The following COMMD10 variants were observed in gnomAD, a reference collection of about 807,000 sequenced individuals.
COMMD10 encodes COMM domain-containing protein 10.
A neutral mutation model predicts 28.9 loss-of-function variants in COMMD10; 33 were observed. The ratio of observed to expected loss-of-function variants is 1.14; its 90% CI spans 0.87 to 1.53. The LOEUF (loss-of-function observed/expected upper bound fraction) is 1.53. COMMD10 is among the 40% of genes most tolerant of loss of function. The pLI, the probability that COMMD10 is intolerant of heterozygous loss-of-function variation, is 0.00. For missense variants in COMMD10, 310 were observed against 233.4 expected (o/e 1.33, Z -2.14); for synonymous variants, 110 against 81.7 (o/e 1.35, Z -1.87).
At chr5:116,139,851 C>G (rs920960775) in intron 5 of COMMD10, among the ~76,000 whole-genome samples, 2 of 151,548 alleles carry the variant, frequency 1.3e-5, no homozygotes, top group Non-Finnish European at 3.0e-5. Context: ...AGAAAATTAA[C>G]CCACCCATCA....
chr5:116,229,970 A>C (rs1253027232), intron 5 of COMMD10, among the ~76,000 whole-genome samples: 1 of 151,872 alleles, frequency 6.6e-6, no homozygotes, highest in African/African-American at 2.4e-5. Context: ...GCCCCCCCAA[A>C]AAAAAATCAA....
At chr5:116,111,127 TC>T (rs1190889190) in intron 4 of COMMD10, among the ~76,000 whole-genome samples, 1 of 152,224 alleles carries the variant, frequency 6.6e-6, no homozygotes, top group Non-Finnish European at 1.5e-5. Context: ...TTGTAACGTC[TC>T]CATTTTGATT....
intron 4 of COMMD10, among the ~76,000 whole-genome samples, chr5:116,098,707 A>G (rs1187415310): frequency 3.3e-5 from 5 of 152,180 alleles, no homozygotes; most frequent in Non-Finnish European, 7.3e-5. Context: ...CTCGCTAGAT[A>G]CTGAGGAAAG....
rs558099945 is a variant in COMMD10 at position 116,113,854 on chromosome 5, G to A, written c.400-20214G>A. ...CTTTGATGGTGTCATATTGCCATGC[G>A]TTTTCATGTTTCTTGTGTTTTTATG... On this transcript the variant is annotated intron_variant, in intron 4 of 6. Coordinates refer to ENST00000274458, the MANE Select transcript of COMMD10 (RefSeq NM_016144.4). 1.3e-4 allele frequency among the ~76,000 whole-genome samples: 20 copies of A among 151,884 alleles called. No homozygotes were observed. The South Asian group carries it at 2.9e-3, about 22-fold the overall frequency.
At chr5:116,142,812 C>T (rs183356100) in intron 5 of COMMD10, among the ~76,000 whole-genome samples, 15 of 151,712 alleles carry the variant, frequency 9.9e-5, no homozygotes, top group African/African-American at 3.6e-4. Flanking sequence ...TGATCAAATA[C>T]TCAAGCAGTT....
intron 4 of COMMD10, among the ~76,000 whole-genome samples, chr5:116,120,100 C>T (rs1421194949): frequency 2.6e-5 from 4 of 152,110 alleles, no homozygotes; most frequent in Non-Finnish European, 4.4e-5. Flanking sequence ...ATGGAACCAA[C>T]CTAAGTGCCC....
intron 5 of COMMD10, among the ~76,000 whole-genome samples, chr5:116,226,451 T>A (rs1188501967): frequency 6.6e-6 from 1 of 151,692 alleles, no homozygotes; most frequent in Admixed American, 6.6e-5. Flanking sequence ...CAAATTATAT[T>A]TCAGCTGATG....
At chr5:116,284,609 G>A (rs1437490704) in intron 5 of COMMD10, among the ~76,000 whole-genome samples, 2 of 151,836 alleles carry the variant, frequency 1.3e-5, no homozygotes, top group African/African-American at 4.9e-5. Flanking sequence ...GAAGCACATG[G>A]ATAATTATAT....
chr5:116,155,332 T>G (rs982976471), intron 5 of COMMD10, among the ~76,000 whole-genome samples: 1 of 152,148 alleles, frequency 6.6e-6, no homozygotes, highest in Non-Finnish European at 1.5e-5. Flanking sequence ...ATTGTCCTTA[T>G]GTTTTATTTA....
At chr5:116,162,765 T>A (rs1752959160) in intron 5 of COMMD10, among the ~76,000 whole-genome samples, 1 of 152,330 alleles carries the variant, frequency 6.6e-6, no homozygotes, top group Middle Eastern at 3.4e-3. Flanking sequence ...CTAAGTGTTT[T>A]AGAGACATAG....
rs140997663 is a variant in COMMD10, at chr5:116,193,355, A to G, written c.510+59177A>G. Among the ~76,000 whole-genome samples the G allele has an allele frequency of 9.3e-4, 142 of 152,338 alleles. 6 individuals are homozygous for G. In the East Asian group the frequency reaches 0.025, roughly 27 times the overall value. On this transcript the variant is annotated intron_variant, in intron 5 of 6. Coordinates refer to ENST00000274458, the MANE Select transcript of COMMD10 (RefSeq NM_016144.4). ...TGAATGTAAATGGCCTAAATGTTCCACTTAAAAGATACAGAGTGGCATAAT... is the reference window on the plus strand; with the variant it reads ...TGAATGTAAATGGCCTAAATGTTCCGCTTAAAAGATACAGAGTGGCATAAT...
intron 5 of COMMD10, among the ~76,000 whole-genome samples, chr5:116,195,392 C>G (rs570170988): frequency 4.6e-5 from 7 of 151,986 alleles, no homozygotes; most frequent in Non-Finnish European, 1.0e-4. Flanking sequence ...ACAATATGAT[C>G]GTTTACCTTG....
At chr5:116,197,431 G>C (rs1411019670) in intron 5 of COMMD10, among the ~76,000 whole-genome samples, 1 of 152,164 alleles carries the variant, frequency 6.6e-6, no homozygotes, top group Non-Finnish European at 1.5e-5. Context: ...GCCCAGGCTG[G>C]AATGCAGTGG....
At chr5:116,119,739 G>A (rs988060181) in intron 4 of COMMD10, among the ~76,000 whole-genome samples, 1 of 151,878 alleles carries the variant, frequency 6.6e-6, no homozygotes, top group African/African-American at 2.4e-5. Flanking sequence ...AGCTTCCCAA[G>A]TAACTAGGAC....
chr5:116,251,182 A>T (rs1203721419), intron 5 of COMMD10, among the ~76,000 whole-genome samples: 7 of 151,704 alleles, frequency 4.6e-5, no homozygotes, highest in African/African-American at 1.7e-4. Flanking sequence ...TTTTTCCATT[A>T]TGTTCTTACC....
intron 2 of COMMD10, among the ~76,000 whole-genome samples, chr5:116,089,507 G>A (rs1489019478): frequency 6.6e-6 from 1 of 152,218 alleles, no homozygotes; most frequent in Non-Finnish European, 1.5e-5. Flanking sequence ...TCTTATACAT[G>A]TCTTTTGTTC....
At chr5:116,261,757 A>C (rs1750452694) in intron 5 of COMMD10, among the ~76,000 whole-genome samples, 1 of 151,604 alleles carries the variant, frequency 6.6e-6, no homozygotes, top group East Asian at 1.9e-4. Context: ...TATCAACTTA[A>C]ACTGTTCTTT....
chr5:116,217,516 C>A (rs1398447151), intron 5 of COMMD10, among the ~76,000 whole-genome samples: 1 of 152,130 alleles, frequency 6.6e-6, no homozygotes, highest in African/African-American at 2.4e-5. Context: ...ATCTGAAGAT[C>A]CACAATCTAG....
chr5:116,112,054 C>G (rs907872460), intron 4 of COMMD10, among the ~76,000 whole-genome samples: 1 of 152,138 alleles, frequency 6.6e-6, no homozygotes, highest in Non-Finnish European at 1.5e-5. Flanking sequence ...TGCCCTGTCT[C>G]TTTCAAGTTT....
Sources: allele counts gnomAD v4.1 joint callset (sites outside exome capture counted in the v4.1 genomes callset), GRCh38; gene constraint gnomAD v4.1.1; transcripts MANE v1.5; gene names NCBI Gene and HGNC (gene_info 2026-07-23, HGNC 2026-07-21).